The following ZNF804A variants were observed in gnomAD, a reference collection of about 807,000 sequenced individuals.
ZNF804A encodes zinc finger protein 804A.
A neutral mutation model predicts 16.5 loss-of-function variants in ZNF804A; 2 were observed. That is an observed-to-expected ratio of 0.12 (90% CI 0.05 to 0.38). The LOEUF is 0.38. ZNF804A is among the 10% of genes least tolerant of loss of function. ZNF804A has a pLI of 0.99. For missense variants in ZNF804A, 1,473 were observed against 1,390.7 expected (o/e 1.06, Z -0.94); for synonymous variants, 534 against 489.6 (o/e 1.09, Z -1.20).
At chr2:184,657,908 T>C (rs1257481864) in intron 1 of ZNF804A, among the ~76,000 whole-genome samples, 2 of 152,088 alleles carry the variant, frequency 1.3e-5, no homozygotes, top group East Asian at 3.9e-4. Flanking sequence ...GAACTGTATA[T>C]AGGAAAGCAA....
chr2:184,868,770 G>C (rs1695924451), intron 2 of ZNF804A, among the ~76,000 whole-genome samples: 1 of 151,954 alleles, frequency 6.6e-6, no homozygotes, highest in Non-Finnish European at 1.5e-5. Context: ...TGAGTTTTGA[G>C]AGACATTTCA....
chr2:184,913,315 T>C (rs1460421578), intron 2 of ZNF804A, among the ~76,000 whole-genome samples: 1 of 152,150 alleles, frequency 6.6e-6, no homozygotes, highest in African/African-American at 2.4e-5. Flanking sequence ...AATACAATTA[T>C]ACTGACTTTT....
chr2:184,731,681 C>T (rs1366205964), intron 1 of ZNF804A, among the ~76,000 whole-genome samples: 1 of 151,308 alleles, frequency 6.6e-6, no homozygotes, highest in South Asian at 2.1e-4. Flanking sequence ...GTGATCCTCC[C>T]ACCTCAGCTT....
At chr2:184,630,371 C>T (rs970454412) in intron 1 of ZNF804A, among the ~76,000 whole-genome samples, 1 of 152,100 alleles carries the variant, frequency 6.6e-6, no homozygotes, top group Non-Finnish European at 1.5e-5. Context: ...TTTCAGGTCC[C>T]TTTTAACAGT....
chr2:184,653,173 A>G lies in ZNF804A; in HGVS notation c.111+54103A>G, dbSNP rs192517315. On this transcript the variant is annotated intron_variant, in intron 1 of 3. Coordinates refer to ENST00000302277, the MANE Select transcript of ZNF804A (RefSeq NM_194250.2). ...CCTCATTAAGGTATGAATCAATACT[A>G]TTGCAATTGAAATCATGTTGCATGA... Among the ~76,000 whole-genome samples the G allele has an allele frequency of 4.6e-5, 7 of 152,246 alleles. No individual in the cohort carries two copies. The East Asian group carries it at 1.2e-3, about 25-fold the overall frequency.
At chr2:184,777,728 T>A (rs1019813151) in intron 1 of ZNF804A, among the ~76,000 whole-genome samples, 1 of 151,676 alleles carries the variant, frequency 6.6e-6, no homozygotes, top group African/African-American at 2.4e-5. Flanking sequence ...ATTGGTCTTT[T>A]GTTGTTGTTG....
At chr2:184,838,435 AC>A (rs1306437117) in intron 1 of ZNF804A, among the ~76,000 whole-genome samples, 1 of 152,018 alleles carries the variant, frequency 6.6e-6, no homozygotes, top group East Asian at 1.9e-4. Flanking sequence ...TTAGAAACTG[AC>A]CCTGGCAAGT....
intron 1 of ZNF804A, among the ~76,000 whole-genome samples, chr2:184,864,852 A>G (rs886586678): frequency 1.3e-5 from 2 of 151,140 alleles, no homozygotes; most frequent in Non-Finnish European, 2.9e-5. Flanking sequence ...ATAGTAAGTA[A>G]GAGACTTGAA....
intron 1 of ZNF804A, among the ~76,000 whole-genome samples, chr2:184,778,853 T>A (rs1378331521): frequency 6.6e-6 from 1 of 151,668 alleles, no homozygotes; most frequent in South Asian, 2.1e-4. Context: ...GACTTGACAG[T>A]GTATACCTCA....
At chr2:184,760,940 A>C (rs1171376548) in intron 1 of ZNF804A, among the ~76,000 whole-genome samples, 3 of 152,162 alleles carry the variant, frequency 2.0e-5, no homozygotes, top group African/African-American at 7.2e-5. Flanking sequence ...CGGCTGGCAC[A>C]TGGCATATCT....
chr2:184,704,398 C>A (rs534434382), intron 1 of ZNF804A, among the ~76,000 whole-genome samples: 4 of 152,010 alleles, frequency 2.6e-5, no homozygotes, highest in African/African-American at 9.7e-5. Flanking sequence ...ATGATCCACC[C>A]GCCTCAGCCT....
intron 1 of ZNF804A, among the ~76,000 whole-genome samples, chr2:184,652,412 G>A (rs1405655728): frequency 1.3e-5 from 2 of 152,044 alleles, no homozygotes. Flanking sequence ...ATCTTCTCAT[G>A]TATCTCCTGA....
rs757077382 is a variant in ZNF804A, at chr2:184,788,694, A to G, written c.112-77675A>G. Among the ~76,000 whole-genome samples, 4 of 152,104 alleles carry G rather than the reference A, an allele frequency of 2.6e-5. No homozygotes were observed. In the South Asian group the frequency reaches 6.2e-4, roughly 24 times the overall value. On this transcript the variant is annotated intron_variant, in intron 1 of 3. Transcript: ENST00000302277. ...TTGTACACTGATTTTGTATCCTGTG[A>G]CTTTACTGAAGTCAATCATCAGGTG...
At chr2:184,656,967 T>C (rs1044868233) in intron 1 of ZNF804A, among the ~76,000 whole-genome samples, 1 of 152,200 alleles carries the variant, frequency 6.6e-6, no homozygotes, top group Non-Finnish European at 1.5e-5. Flanking sequence ...ATTTATGTTT[T>C]CCAATTAGGT....
intron 1 of ZNF804A, among the ~76,000 whole-genome samples, chr2:184,843,480 G>A (rs1574237409): frequency 6.6e-6 from 1 of 151,806 alleles, no homozygotes; most frequent in Non-Finnish European, 1.5e-5. Context: ...CACCATGTTG[G>A]CCAGGCTGGT....
chr2:184,824,130 A>C (rs1027512221), intron 1 of ZNF804A, among the ~76,000 whole-genome samples: 45 of 152,062 alleles, frequency 3.0e-4, no homozygotes, highest in Non-Finnish European at 5.9e-4. Context: ...CCTCTTTAAA[A>C]CTTCTAGTAG....
At chr2:184,918,766 T>A (rs542616204) in intron 2 of ZNF804A, among the ~76,000 whole-genome samples, 1 of 152,312 alleles carries the variant, frequency 6.6e-6, no homozygotes, top group East Asian at 1.9e-4. Context: ...TACACTTATT[T>A]GTAATAATGG....
chr2:184,798,004 A>ATG (rs1443753151), intron 1 of ZNF804A, among the ~76,000 whole-genome samples: 71 of 123,440 alleles, frequency 5.8e-4, no homozygotes, highest in African/African-American at 2.2e-3. Flanking sequence ...CATGGCTGAT[A>ATG]TATGTGTGTG....
chr2:184,765,513 C>T (rs1449510230), intron 1 of ZNF804A, among the ~76,000 whole-genome samples: 1 of 152,006 alleles, frequency 6.6e-6, no homozygotes, highest in African/African-American at 2.4e-5. Context: ...AATCCCTATC[C>T]TGTTTTGTTC....
Sources: allele counts gnomAD v4.1 joint callset (sites outside exome capture counted in the v4.1 genomes callset), GRCh38; gene constraint gnomAD v4.1.1; transcripts MANE v1.5; gene names NCBI Gene and HGNC (gene_info 2026-07-23, HGNC 2026-07-21).